Variants in VAT1L observed in about 807,000 individuals in gnomAD.
VAT1L encodes putative NADPH-dependent quinone oxidoreductase VAT1L.
In VAT1L, 34 loss-of-function variants were observed where a neutral mutation model predicts 44.1. That is an observed-to-expected ratio of 0.77 (90% CI 0.59 to 1.03). The LOEUF is 1.03. Ranked by LOEUF, VAT1L falls within the 50% of genes least tolerant of loss-of-function variation. VAT1L has a pLI of 0.00. For missense variants in VAT1L, 615 were observed against 538.8 expected, an observed-to-expected ratio of 1.14 and a Z score of -1.40; for synonymous variants, 253 against 202.2, an observed-to-expected ratio of 1.25 and a Z score of -2.13.
chr16:77,886,475 T>A (rs999461742), intron 7 of VAT1L, among the ~76,000 whole-genome samples: 1 of 152,206 alleles, frequency 6.6e-6, no homozygotes, highest in African/African-American at 2.4e-5. Context: ...TAAGTGAGAA[T>A]TGAAATCCAA....
chr16:77,843,268 C>T (rs76140832), intron 3 of VAT1L, among the ~76,000 whole-genome samples: 1,730 of 152,142 alleles, frequency 0.011, 42 homozygotes, highest in African/African-American at 0.04. Context: ...ATGTTGGCCT[C>T]CGAGAAGCCA....
chr16:77,825,548 G>A, intron 3 of VAT1L, 87 bp downstream of exon 3: 1 of 1,416,392 alleles, frequency 7.1e-7, no homozygotes, highest in Non-Finnish European at 9.7e-7. Flanking sequence ...TGTGAGCTAT[G>A]TCCTTTAGCA....
intron 4 of VAT1L, among the ~76,000 whole-genome samples, chr16:77,874,808 C>T (rs28542858): frequency 6.9e-6 from 1 of 144,914 alleles, no homozygotes; most frequent in Non-Finnish European, 1.5e-5. Context: ...GCAGTGCCCA[C>T]TGCTGAATAT....
intron 1 of VAT1L, among the ~76,000 whole-genome samples, chr16:77,813,281 A>C (rs776154719): frequency 1.3e-5 from 2 of 152,230 alleles, no homozygotes; most frequent in African/African-American, 2.4e-5. Context: ...TCTCTAAACC[A>C]ACAAAGTTAT....
chr16:77,950,554 T>C (rs2018030457), intron 7 of VAT1L, among the ~76,000 whole-genome samples: 1 of 152,152 alleles, frequency 6.6e-6, no homozygotes, highest in Non-Finnish European at 1.5e-5. Flanking sequence ...TTAATATATA[T>C]TTTATATAGA....
intron 7 of VAT1L, among the ~76,000 whole-genome samples, chr16:77,902,338 T>C (rs1040283597): frequency 2.0e-5 from 3 of 152,238 alleles, no homozygotes; most frequent in Admixed American, 6.5e-5. Context: ...TTATATAATT[T>C]ATCACATTAC....
intron 7 of VAT1L, among the ~76,000 whole-genome samples, chr16:77,910,311 T>C (rs2017485687): frequency 6.6e-6 from 1 of 152,158 alleles, no homozygotes; most frequent in Admixed American, 6.5e-5. Flanking sequence ...AACGAGCCTC[T>C]CAGGATATGT....
At chr16:77,949,670 G>A (rs768376281) in intron 7 of VAT1L, among the ~76,000 whole-genome samples, 6 of 152,150 alleles carry the variant, frequency 3.9e-5, no homozygotes, top group Admixed American at 2.0e-4. Flanking sequence ...ATCTCTGCAC[G>A]TGCCAGCTCC....
intron 3 of VAT1L, among the ~76,000 whole-genome samples, chr16:77,841,077 C>T (rs1453102569): frequency 6.6e-6 from 1 of 152,112 alleles, no homozygotes; most frequent in Non-Finnish European, 1.5e-5. Context: ...GCACCAATAA[C>T]ATGTCATTTT....
chr16:77,940,478 G>C (rs1003160580), intron 7 of VAT1L, among the ~76,000 whole-genome samples: 1 of 151,624 alleles, frequency 6.6e-6, no homozygotes, highest in Non-Finnish European at 1.5e-5. Context: ...TGAGTAGCTG[G>C]GATTACAGGC....
Position 77,940,606 on chromosome 16 carries a change from G to C in VAT1L, c.1078-31244G>C, listed in dbSNP as rs184412589. Reference sequence around the variant, plus strand: ...GATCCGCCCGCCTCAGCCTCCCAAAGTGCTGGGATTACAGGCATGAGCCAC... The same window carrying C: ...GATCCGCCCGCCTCAGCCTCCCAAACTGCTGGGATTACAGGCATGAGCCAC... On this transcript the variant is annotated intron_variant, in intron 7 of 8. Transcript: ENST00000302536. Among the ~76,000 whole-genome samples the C allele has an allele frequency of 6.4e-3, 969 of 152,184 alleles. 13 individuals carry two copies. The highest frequency in any genetic ancestry group is 0.021 in the African/African-American group (873 of 41,530).
At chr16:77,800,509 C>G (rs1478282726) in intron 1 of VAT1L, 2 of 152,218 alleles carry the variant, frequency 1.3e-5, no homozygotes, top group Admixed American at 6.5e-5. Context: ...CCTTCAGTAC[C>G]CACAGAGAGT....
At chr16:77,846,097 T>G (rs1212018183) in intron 3 of VAT1L, among the ~76,000 whole-genome samples, 6 of 152,144 alleles carry the variant, frequency 3.9e-5, no homozygotes, top group African/African-American at 1.4e-4. Context: ...TGGATCAAAT[T>G]AAATGGATGA....
intron 7 of VAT1L, among the ~76,000 whole-genome samples, chr16:77,933,250 T>C (rs1165654337): frequency 2.0e-5 from 3 of 152,178 alleles, no homozygotes; most frequent in East Asian, 1.9e-4. Context: ...AAGAAAACAA[T>C]AGTTCAGCAT....
intron 7 of VAT1L, among the ~76,000 whole-genome samples, chr16:77,892,186 C>T (rs893151536): frequency 1.3e-5 from 2 of 152,128 alleles, no homozygotes; most frequent in Non-Finnish European, 2.9e-5. Flanking sequence ...TAGCACCAGA[C>T]TGGGAAGGGG....
intron 3 of VAT1L, among the ~76,000 whole-genome samples, chr16:77,860,585 C>A (rs58578107): frequency 0.046 from 7,052 of 152,202 alleles, 233 homozygotes; most frequent in Middle Eastern, 0.085. Context: ...ATTTCCCATC[C>A]CAGTAGTAAG....
intron 2 of VAT1L, among the ~76,000 whole-genome samples, chr16:77,818,031 G>C (rs1431028260): frequency 1.3e-5 from 2 of 152,142 alleles, no homozygotes; most frequent in Non-Finnish European, 2.9e-5. Context: ...TTTTCTGTGA[G>C]GTCAGAAGGG....
At chr16:77,901,216 T>A (rs551936741) in intron 7 of VAT1L, among the ~76,000 whole-genome samples, 1 of 135,144 alleles carries the variant, frequency 7.4e-6, no homozygotes, top group South Asian at 2.5e-4. Context: ...CAGGCTGGAG[T>A]GCAGTGGCGA....
At chr16:77,881,196 T>C (rs1337587578) in intron 6 of VAT1L, among the ~76,000 whole-genome samples, 1 of 152,220 alleles carries the variant, frequency 6.6e-6, no homozygotes, top group East Asian at 1.9e-4. Context: ...TCACAAGGGT[T>C]TATTTTTGCC....
Sources: gnomAD v4.1 joint callset for allele counts (sites outside exome capture counted in the v4.1 genomes callset) on GRCh38, gnomAD v4.1.1 for gene constraint, MANE v1.5 for transcripts, NCBI Gene and HGNC (gene_info 2026-07-23, HGNC 2026-07-21) for gene names.